Variants in MED12L observed in about 807,000 individuals in gnomAD.
MED12L encodes mediator of RNA polymerase II transcription subunit 12-like protein.
A neutral mutation model predicts 281.3 loss-of-function variants in MED12L; 60 were observed. The observed-to-expected ratio is 0.21, with a 90% CI of 0.17 to 0.26. MED12L has a LOEUF of 0.26. Among genes scored for constraint, MED12L ranks in the 10% least tolerant of loss-of-function variants. The pLI is 1.00. For missense variants in MED12L, 2,146 were observed against 2,680.9 expected (o/e 0.80, Z 4.41); for synonymous variants, 974 against 987.2 (o/e 0.99, Z 0.25).
chr3:151,138,056 T>G (rs1255359198), intron 5 of MED12L, among the ~76,000 whole-genome samples: 1 of 152,190 alleles, frequency 6.6e-6, no homozygotes, highest in Non-Finnish European at 1.5e-5. Flanking sequence ...AACCATTTCT[T>G]ACTAGTTTTT....
At chr3:151,196,796 A>ACTCATTTATTATTTATTATT (rs1206460981) in intron 16 of MED12L, among the ~76,000 whole-genome samples, 1 of 152,226 alleles carries the variant, frequency 6.6e-6, no homozygotes, top group African/African-American at 2.4e-5. Flanking sequence ...TTTATTATTC[A>ACTCATTTATTATTTATTATT]CTGCAGAGTC....
At chr3:151,217,699 A>G (rs1220916099) in intron 16 of MED12L, among the ~76,000 whole-genome samples, 2 of 152,200 alleles carry the variant, frequency 1.3e-5, no homozygotes, top group East Asian at 3.8e-4. Flanking sequence ...AGATTTCTTC[A>G]TCTTAAAGGA....
At chr3:151,355,035 G>T (rs970964786) in intron 17 of MED12L, 86 bp from the exon 18 acceptor site, 1 of 924,488 alleles carries the variant, frequency 1.1e-6, no homozygotes, top group African/African-American at 1.7e-5. Flanking sequence ...CTGTATGTAT[G>T]CTATACTTTA....
chr3:151,290,377 T>C (rs1274008887), intron 16 of MED12L, among the ~76,000 whole-genome samples: 1 of 152,150 alleles, frequency 6.6e-6, no homozygotes, highest in Non-Finnish European at 1.5e-5. Flanking sequence ...TTTCCTTTCA[T>C]TGTGGCTTAT....
chr3:151,313,093 T>G (rs868750208), intron 16 of MED12L, among the ~76,000 whole-genome samples: 2 of 152,190 alleles, frequency 1.3e-5, no homozygotes, highest in Admixed American at 1.3e-4. Context: ...GTGCTAGAGC[T>G]TGCCCTCATT....
At chr3:151,152,673 G>T (rs886646991) in intron 5 of MED12L, among the ~76,000 whole-genome samples, 1 of 152,120 alleles carries the variant, frequency 6.6e-6, no homozygotes, top group Non-Finnish European at 1.5e-5. Context: ...TGACTCTGAG[G>T]CATATGTATA....
At chr3:151,198,766 G>T (rs1381942400) in intron 16 of MED12L, 1 of 1,613,440 alleles carries the variant, frequency 6.2e-7, no homozygotes, top group Non-Finnish European at 8.5e-7. Context: ...CTTTGTTTCT[G>T]TAGAGCTGTC....
rs151172001 is a variant in MED12L at position 151,199,056 on chromosome 3, C to T, written c.2250+5390C>T. On this transcript the variant is annotated intron_variant, in intron 16 of 44. Coordinates refer to ENST00000687756, the MANE Select transcript of MED12L (RefSeq NM_001393769.1). The stretch of plus-strand genomic sequence containing the variant: ...CTGTGTGTCAGCTGAAGACAGCGGT[C>T]AATGCTGACAAATGCTAAGAAGATA... 6 of 1,613,818 alleles carry T rather than the reference C, an allele frequency of 3.7e-6. No homozygotes were observed. In the African/African-American group the frequency reaches 6.7e-5, roughly 18 times the overall value.
chr3:151,394,560 T>G, intron 38 of MED12L, 96 bp from the exon 39 acceptor site: 1 of 1,554,254 alleles, frequency 6.4e-7, no homozygotes, highest in Non-Finnish European at 8.7e-7. Context: ...GTTCATAAAG[T>G]GAGACTTAGA....
chr3:151,294,236 C>T, intron 16 of MED12L: 1 of 1,613,590 alleles, frequency 6.2e-7, no homozygotes, highest in Non-Finnish European at 8.5e-7. Flanking sequence ...TGATCTGATG[C>T]TTTCACTCCT....
intron 2 of MED12L, among the ~76,000 whole-genome samples, chr3:151,107,798 C>G: frequency 6.6e-6 from 1 of 152,158 alleles, no homozygotes; most frequent in Admixed American, 6.5e-5. Context: ...TTATTCCTGT[C>G]TCCTTTCAAA....
chr3:151,245,943 TAC>T lies in MED12L; in HGVS notation c.2250+52279_2250+52280del, dbSNP rs1280390298. ...AAAGTCTCAGGATACAAAATCAATG[TAC>T]AAAAATCACAAGCATTCTTATACAC... On this transcript the variant is annotated intron_variant, in intron 16 of 44. Transcript: ENST00000687756. Among the ~76,000 whole-genome samples the T allele has an allele frequency of 6.6e-5, 10 of 151,450 alleles. No individual in the cohort carries two copies. The East Asian group carries it at 1.9e-3, about 29-fold the overall frequency.
rs1231166821 is a variant in MED12L, at chr3:151,174,708, AT to A, written c.1494+8734del. Among the ~76,000 whole-genome samples the A allele has an allele frequency of 3.9e-5, 6 of 151,976 alleles. No homozygotes were observed. The South Asian group carries it at 6.2e-4, about 16-fold the overall frequency. ...TGTATATATGCAAAATATTTTTTTAATTTTTTTTATTTTAATTTTTCTTGTA... is the reference window on the plus strand; with the variant it reads ...TGTATATATGCAAAATATTTTTTTAATTTTTTTATTTTAATTTTTCTTGTA... On this transcript the variant is annotated intron_variant, in intron 11 of 44. Transcript: ENST00000687756.
chr3:151,095,534 C>T (rs545902583), intron 2 of MED12L, among the ~76,000 whole-genome samples: 3 of 152,190 alleles, frequency 2.0e-5, no homozygotes, highest in Non-Finnish European at 4.4e-5. Flanking sequence ...GATGGACTTT[C>T]GCCATGTTGG....
chr3:151,208,895 G>C (rs1726749929), intron 16 of MED12L, among the ~76,000 whole-genome samples: 1 of 152,034 alleles, frequency 6.6e-6, no homozygotes, highest in African/African-American at 2.4e-5. Flanking sequence ...GGCTTCCCTT[G>C]CCATGCTGAT....
chr3:151,160,883 A>C (rs1467555464), intron 8 of MED12L, among the ~76,000 whole-genome samples: 1 of 152,226 alleles, frequency 6.6e-6, no homozygotes, highest in Non-Finnish European at 1.5e-5. Context: ...GAAATTTTTT[A>C]GTTCTTCGAA....
At chr3:151,327,754 G>T in intron 16 of MED12L, 39 of 314,018 alleles carry the variant, frequency 1.2e-4, no homozygotes, top group East Asian at 2.6e-4. Context: ...AAAAAAGAAA[G>T]AAAGAAATAA....
At chr3:151,141,309 A>G (rs932905319) in intron 5 of MED12L, among the ~76,000 whole-genome samples, 1 of 151,538 alleles carries the variant, frequency 6.6e-6, no homozygotes, top group Non-Finnish European at 1.5e-5. Flanking sequence ...GGCATGAGCC[A>G]CTGGGCCTGG....
intron 11 of MED12L, among the ~76,000 whole-genome samples, chr3:151,175,667 T>A (rs1721955695): frequency 6.6e-6 from 1 of 152,242 alleles, no homozygotes; most frequent in African/African-American, 2.4e-5. Context: ...GGTTAGCTTC[T>A]ACAACTATTA....
Sources: gnomAD v4.1 joint callset for allele counts (sites outside exome capture counted in the v4.1 genomes callset) on GRCh38, gnomAD v4.1.1 for gene constraint, MANE v1.5 for transcripts, NCBI Gene and HGNC (gene_info 2026-07-23, HGNC 2026-07-21) for gene names.